Variants in ANO3 observed in about 807,000 individuals in gnomAD.
ANO3 encodes anoctamin 3, also known as anoctamin-3.
A neutral mutation model predicts 144.8 loss-of-function variants in ANO3; 99 were observed. The observed-to-expected ratio is 0.68, with a 90% CI of 0.58 to 0.81. ANO3 has a LOEUF of 0.81. Among genes scored for constraint, ANO3 ranks in the 30% least tolerant of loss-of-function variants. The probability of loss-of-function intolerance (pLI) is 0.00; values close to 1 mark genes in which losing one functional copy is unlikely to be tolerated. For missense variants in ANO3, 905 were observed against 1,202.2 expected (o/e 0.75, Z 3.66); for synonymous variants, 414 against 392.6 (o/e 1.05, Z -0.64).
intron 1 of ANO3, among the ~76,000 whole-genome samples, chr11:26,333,075 C>G (rs1451188600): frequency 6.6e-6 from 1 of 152,012 alleles, no homozygotes; most frequent in Non-Finnish European, 1.5e-5. Context: ...GTTTTATTAT[C>G]CAGAAGCATT....
At chr11:26,597,836 T>A (rs6484220) in intron 14 of ANO3, among the ~76,000 whole-genome samples, 42,321 of 152,118 alleles carry the variant, frequency 0.28, 6,400 homozygotes, top group South Asian at 0.46. Context: ...TTCTTTACTT[T>A]TTCCACTGAG....
At chr11:26,227,424 A>G (rs1344511794) in intron 1 of ANO3, among the ~76,000 whole-genome samples, 1 of 152,116 alleles carries the variant, frequency 6.6e-6, no homozygotes, top group East Asian at 1.9e-4. Flanking sequence ...ATGTAATACC[A>G]CCATCTCTTG....
At chr11:26,387,303 A>G (rs1322143283) in intron 1 of ANO3, among the ~76,000 whole-genome samples, 4 of 151,846 alleles carry the variant, frequency 2.6e-5, no homozygotes, top group Non-Finnish European at 5.9e-5. Context: ...AGGTGATAAA[A>G]GTACGATCTT....
intron 14 of ANO3, among the ~76,000 whole-genome samples, chr11:26,575,283 A>T (rs1850956699): frequency 2.6e-5 from 4 of 151,842 alleles, no homozygotes; most frequent in Admixed American, 2.6e-4. Flanking sequence ...ACTTCTGATG[A>T]TTACTCAATT....
rs1310559300 is a variant in ANO3 at position 26,385,908 on chromosome 11, T to TATATATATATATATATAC, written c.46+53588_46+53589insTATATATATATATATACA. On this transcript the variant is annotated intron_variant, in intron 1 of 26. Transcript: ENST00000256737. ...CTTTGTGTGTGTATATATATTTATA[T>TATATATATATATATATAC]ACATATTTACATGTATAAGCATACA... Among the ~76,000 whole-genome samples, 972 of 149,314 alleles carry TATATATATATATATATAC rather than the reference T, an allele frequency of 6.5e-3. 8 individuals carry two copies. The highest frequency in any genetic ancestry group is 0.016 in the East Asian group (79 of 4,980).
chr11:26,642,342 C>CTTTTTTTTTTTTTTTTTTTTTTT (rs576729432), intron 22 of ANO3, among the ~76,000 whole-genome samples: 2 of 93,066 alleles, frequency 2.1e-5, no homozygotes, highest in Admixed American at 1.2e-4. Flanking sequence ...TTCTTTCTTT[C>CTTTTTTTTTTTTTTTTTTTTTTT]TTTTTTTTTT....
chr11:26,504,344 T>C (rs1295769552), intron 4 of ANO3, among the ~76,000 whole-genome samples: 1 of 152,138 alleles, frequency 6.6e-6, no homozygotes, highest in Non-Finnish European at 1.5e-5. Context: ...TCTTCCTTTC[T>C]TCCTTCTCTT....
chr11:26,482,615 G>T (rs1007381495), intron 4 of ANO3, among the ~76,000 whole-genome samples: 1 of 151,870 alleles, frequency 6.6e-6, no homozygotes, highest in Admixed American at 6.6e-5. Flanking sequence ...CATTATCTTT[G>T]TTTATTTGTA....
At chr11:26,448,354 T>A (rs1401919935) in intron 3 of ANO3, among the ~76,000 whole-genome samples, 1 of 152,122 alleles carries the variant, frequency 6.6e-6, no homozygotes, top group Non-Finnish European at 1.5e-5. Context: ...CAGCATAATT[T>A]GAGTCCAACC....
chr11:26,554,588 C>G (rs377085947), intron 13 of ANO3, among the ~76,000 whole-genome samples: 3 of 152,082 alleles, frequency 2.0e-5, no homozygotes, highest in Non-Finnish European at 1.5e-5. Context: ...AGTCACCGAG[C>G]CTCGGTGTGG....
chr11:26,306,434 C>T (rs1175033010), upstream of ANO3, among the ~76,000 whole-genome samples: 3 of 152,238 alleles, frequency 2.0e-5, no homozygotes, highest in East Asian at 5.8e-4. Context: ...TATGGTGGTT[C>T]ACACTTATAA....
At chr11:26,595,867 T>C (rs1159574210) in intron 14 of ANO3, among the ~76,000 whole-genome samples, 1 of 152,224 alleles carries the variant, frequency 6.6e-6, no homozygotes, top group Non-Finnish European at 1.5e-5. Flanking sequence ...TGGTGAGGTG[T>C]GCTCACAATG....
intron 1 of ANO3, among the ~76,000 whole-genome samples, chr11:26,423,979 GT>G (rs371492248): frequency 0.014 from 2,006 of 148,136 alleles, 42 homozygotes; most frequent in African/African-American, 0.046. Context: ...GTTTAAAAAT[GT>G]TTTTTTTTTA....
intron 9 of ANO3, among the ~76,000 whole-genome samples, chr11:26,535,603 G>GAA (rs1849488473): frequency 1.9e-5 from 1 of 52,924 alleles, no homozygotes; most frequent in Non-Finnish European, 3.3e-5. Context: ...TTTTTTTTCA[G>GAA]ATGGAGTCTT....
intron 1 of ANO3, among the ~76,000 whole-genome samples, chr11:26,291,829 G>A (rs1272722418): frequency 1.3e-5 from 2 of 152,100 alleles, no homozygotes; most frequent in South Asian, 4.2e-4. Flanking sequence ...TTTCTCTCTG[G>A]CTGCCTTTAA....
At chr11:26,225,184 G>T (rs533869615) in intron 1 of ANO3, among the ~76,000 whole-genome samples, 2 of 152,182 alleles carry the variant, frequency 1.3e-5, no homozygotes, top group East Asian at 3.9e-4. Context: ...AATAGCACAA[G>T]AGTCTTAGAA....
chr11:26,650,309 A>G (rs1307515610), intron 24 of ANO3, among the ~76,000 whole-genome samples: 1 of 152,158 alleles, frequency 6.6e-6, no homozygotes, highest in Admixed American at 6.5e-5. Context: ...TCTAGTATGG[A>G]CAACGAATGG....
intron 13 of ANO3, among the ~76,000 whole-genome samples, chr11:26,555,320 C>T (rs1426308453): frequency 1.3e-5 from 2 of 152,036 alleles, no homozygotes; most frequent in East Asian, 3.9e-4. Flanking sequence ...ATAAAACAGC[C>T]TAGGAATGCC....
At chr11:26,293,680 C>A (rs1018960757) in intron 1 of ANO3, among the ~76,000 whole-genome samples, 3 of 150,952 alleles carry the variant, frequency 2.0e-5, no homozygotes, top group African/African-American at 7.3e-5. Flanking sequence ...TTCACACTAA[C>A]AGAGACTAAA....
Sources: allele counts gnomAD v4.1 joint callset (sites outside exome capture counted in the v4.1 genomes callset), GRCh38; gene constraint gnomAD v4.1.1; transcripts MANE v1.5; gene names NCBI Gene and HGNC (gene_info 2026-07-23, HGNC 2026-07-21).